Variants in IQGAP2 observed in about 807,000 individuals in gnomAD.
IQGAP2 encodes IQ motif containing GTPase activating protein 2.
In IQGAP2, 173 loss-of-function variants were observed where a neutral mutation model predicts 201.3. That is an observed-to-expected ratio of 0.86 (90% CI 0.76 to 0.98). The LOEUF is 0.98. Among genes scored for constraint, IQGAP2 ranks in the 50% least tolerant of loss-of-function variants. IQGAP2 has a pLI of 0.00. For synonymous variants in IQGAP2, 675 were observed against 673.9 expected (o/e 1.00, Z -0.03); for missense variants, 1,687 against 1,864.8 (o/e 0.90, Z 1.76).
At chr5:76,678,250 G>A (rs372882564) in intron 28 of IQGAP2, among the ~76,000 whole-genome samples, 5 of 152,160 alleles carry the variant, frequency 3.3e-5, no homozygotes, top group East Asian at 3.9e-4. Context: ...TTTCTCGGAA[G>A]CAGGCAGTTT....
At position 76,674,563 on chromosome 5, in the gene IQGAP2, A is replaced by G; in HGVS notation, c.3381A>G (p.Gly1127=). The change falls in exon 27 of 36, where the codon GGA becomes GGG. Residue 1127 remains glycine, a synonymous_variant. Transcript: ENST00000274364. ...DGFDIIDMTA[G]GQINSDQRRN... ...TTGATATCATCGACATGACAGCTGG[A>G]GGTCAGATAAATTCTGACCAAAGGA... 1 of 1,614,016 alleles carries G rather than the reference A, an allele frequency of 6.2e-7. No homozygotes were observed. The highest frequency in any genetic ancestry group is 8.5e-7 in the Non-Finnish European group (1 of 1,179,888).
intron 1 of IQGAP2, among the ~76,000 whole-genome samples, chr5:76,448,649 G>A (rs990135019): frequency 2.6e-5 from 4 of 152,102 alleles, no homozygotes; most frequent in Non-Finnish European, 5.9e-5. Context: ...AGAGGAAATG[G>A]GGAAGCAAGG....
At chr5:76,415,193 T>C (rs1322594763) in intron 1 of IQGAP2, among the ~76,000 whole-genome samples, 1 of 152,194 alleles carries the variant, frequency 6.6e-6, no homozygotes, top group East Asian at 1.9e-4. Flanking sequence ...CAAATGTGTG[T>C]TTTGGAAAAA....
chr5:76,653,686 C>T (rs1242568581), intron 18 of IQGAP2, among the ~76,000 whole-genome samples: 1 of 152,196 alleles, frequency 6.6e-6, no homozygotes, highest in African/African-American at 2.4e-5. Flanking sequence ...TGTGCAGTAG[C>T]TCCTTGATGA....
At chr5:76,599,972 G>A (rs561828631) in intron 10 of IQGAP2, among the ~76,000 whole-genome samples, 1 of 152,254 alleles carries the variant, frequency 6.6e-6, no homozygotes, top group East Asian at 1.9e-4. Flanking sequence ...GCTAAATCCA[G>A]ATTTTAAATC....
chr5:76,450,211 A>G (rs1753651736), intron 1 of IQGAP2, among the ~76,000 whole-genome samples: 1 of 152,202 alleles, frequency 6.6e-6, no homozygotes. Context: ...AGTTTACACA[A>G]TCACGGGTTG....
At chr5:76,672,956 A>G (rs1744481485) in intron 24 of IQGAP2, among the ~76,000 whole-genome samples, 1 of 151,874 alleles carries the variant, frequency 6.6e-6, no homozygotes, top group African/African-American at 2.4e-5. Context: ...CCTAATGCTA[A>G]ATGACGAGTT....
At chr5:76,452,083 T>C (rs1753788789) in intron 1 of IQGAP2, among the ~76,000 whole-genome samples, 1 of 151,308 alleles carries the variant, frequency 6.6e-6, no homozygotes, top group Non-Finnish European at 1.5e-5. Context: ...ATAGATATAG[T>C]AAAGTAATAC....
intron 2 of IQGAP2, among the ~76,000 whole-genome samples, chr5:76,486,595 A>T (rs938700642): frequency 1.3e-5 from 2 of 152,216 alleles, no homozygotes; most frequent in South Asian, 4.1e-4. Context: ...ACTAGGGGGA[A>T]GTTTTTCCTA....
intron 2 of IQGAP2, among the ~76,000 whole-genome samples, chr5:76,535,061 A>T (rs1044928795): frequency 6.6e-6 from 1 of 152,124 alleles, no homozygotes; most frequent in Non-Finnish European, 1.5e-5. Flanking sequence ...GCAGGTAGGG[A>T]GTAGAGTGAG....
chr5:76,596,969 G>C (rs1747077258), intron 9 of IQGAP2: 1 of 157,972 alleles, frequency 6.3e-6, no homozygotes, highest in Admixed American at 6.0e-5. Context: ...GGCAAGGCTT[G>C]CTTCTGGTCT....
intron 5 of IQGAP2, among the ~76,000 whole-genome samples, chr5:76,576,085 T>A (rs1051835465): frequency 6.6e-6 from 1 of 152,196 alleles, no homozygotes; most frequent in Non-Finnish European, 1.5e-5. Context: ...ACTACTATAT[T>A]CTTGAGTTAT....
intron 13 of IQGAP2, chr5:76,618,219 T>C: frequency 6.2e-7 from 1 of 1,614,114 alleles, no homozygotes; most frequent in Non-Finnish European, 8.5e-7. Flanking sequence ...GCACAGGACC[T>C]CTCCAAATAC....
chr5:76,673,334 G>A, intron 24 of IQGAP2, 115 bp from the exon 25 acceptor site: 2 of 999,750 alleles, frequency 2.0e-6, no homozygotes, highest in Non-Finnish European at 2.9e-6. Flanking sequence ...TTTGTTACTG[G>A]AGTCAGTGGC....
intron 2 of IQGAP2, among the ~76,000 whole-genome samples, chr5:76,542,384 GT>G (rs1465019358): frequency 2.0e-5 from 3 of 152,190 alleles, no homozygotes; most frequent in Admixed American, 2.0e-4. Flanking sequence ...ACAAGTAGCT[GT>G]GAGCTAGAGC....
intron 1 of IQGAP2, among the ~76,000 whole-genome samples, chr5:76,425,320 C>T (rs1293167212): frequency 6.6e-6 from 1 of 152,074 alleles, no homozygotes; most frequent in Non-Finnish European, 1.5e-5. Context: ...TTCCTTTTTT[C>T]TTCTCCATCC....
At chr5:76,591,504 G>A (rs1316729682) in intron 8 of IQGAP2, among the ~76,000 whole-genome samples, 1 of 152,172 alleles carries the variant, frequency 6.6e-6, no homozygotes, top group Non-Finnish European at 1.5e-5. Context: ...CTCTTGCCAT[G>A]TCAGTTTCAG....
In IQGAP2 at chr5:76,707,277, C is replaced by T. The variant is rs897723763; in HGVS notation, c.4692C>T (p.Leu1564=). 6.4e-7 allele frequency: 1 copy of T among 1,571,678 alleles called. No individual in the cohort carries two copies. The highest frequency in any genetic ancestry group is 8.8e-7 in the Non-Finnish European group (1 of 1,141,528). ...AGGTTAAAGTGAATGTAAACCTTCTCATATACCTGCTGAACAAGAAGTTCT... is the reference window on the plus strand; with the variant it reads ...AGGTTAAAGTGAATGTAAACCTTCTTATATACCTGCTGAACAAGAAGTTCT... ...FDKVKVNVNL[L]IYLLNKKFYG... is the part of the protein sequence containing the mutation. Residue 1564 remains leucine (L), a synonymous_variant, in exon 36 of 36, where the codon CTC becomes CTT. Transcript: ENST00000274364.
chr5:76,457,034 G>C (rs1438982973), intron 1 of IQGAP2, among the ~76,000 whole-genome samples: 1 of 152,014 alleles, frequency 6.6e-6, no homozygotes, highest in Admixed American at 6.6e-5. Context: ...TTGTCACCCA[G>C]GCTGGAATAC....
Sources: allele counts gnomAD v4.1 joint callset (sites outside exome capture counted in the v4.1 genomes callset), GRCh38; gene constraint gnomAD v4.1.1; transcripts MANE v1.5; gene names NCBI Gene and HGNC (gene_info 2026-07-23, HGNC 2026-07-21).